Variants in NFYC observed in about 807,000 individuals in gnomAD.
The protein encoded by NFYC is CAAT box DNA-binding protein subunit C.
A neutral mutation model predicts 53.1 loss-of-function variants in NFYC; 25 were observed. The ratio of observed to expected loss-of-function variants is 0.47; its 90% CI spans 0.34 to 0.66. The LOEUF (loss-of-function observed/expected upper bound fraction) is 0.66, where lower values mean the gene tolerates loss of function less well. Among genes scored for constraint, NFYC ranks in the 30% least tolerant of loss-of-function variants. The pLI, the probability that NFYC is intolerant of heterozygous loss-of-function variation, is 0.01. For synonymous variants in NFYC, 145 were observed against 152.6 expected, an observed-to-expected ratio of 0.95 and a Z score of 0.37; for missense variants, 260 against 422.7, an observed-to-expected ratio of 0.62 and a Z score of 3.38.
At chr1:40,726,099 GTA>G (rs1393502221) in intron 1 of NFYC, among the ~76,000 whole-genome samples, 1 of 122,492 alleles carries the variant, frequency 8.2e-6, no homozygotes, top group African/African-American at 2.5e-5. Context: ...CAATTTCTGT[GTA>G]TGTGTTTGTG....
chr1:40,731,744 A>G (rs1025336738), intron 1 of NFYC, among the ~76,000 whole-genome samples: 1 of 151,882 alleles, frequency 6.6e-6, no homozygotes, highest in East Asian at 1.9e-4. Context: ...TCGGCCTCTC[A>G]AAGTGCTGGG....
chr1:40,718,205 T>C (rs1409245631), intron 1 of NFYC, among the ~76,000 whole-genome samples: 1 of 152,208 alleles, frequency 6.6e-6, no homozygotes, highest in African/African-American at 2.4e-5. Context: ...AATAGTACTT[T>C]ATAGTTAGTG....
At chr1:40,769,332 A>G (rs746676685) in intron 8 of NFYC, 24 bp from the exon 9 acceptor site, 31 of 1,613,052 alleles carry the variant, frequency 1.9e-5, no homozygotes, top group South Asian at 1.5e-4. Context: ...TGACATACCA[A>G]CTCTACCATC....
chr1:40,699,467 C>T (rs1352886294), intron 1 of NFYC, among the ~76,000 whole-genome samples: 1 of 152,150 alleles, frequency 6.6e-6, no homozygotes, highest in African/African-American at 2.4e-5. Flanking sequence ...AGTTGACATC[C>T]TTGTCATTTT....
chr1:40,724,690 T>G (rs1644447864), intron 1 of NFYC, among the ~76,000 whole-genome samples: 1 of 152,246 alleles, frequency 6.6e-6, no homozygotes, highest in African/African-American at 2.4e-5. Flanking sequence ...CCCGTCACTT[T>G]CATTGTTTAT....
chr1:40,723,602 A>G (rs1644402764), intron 1 of NFYC: 1 of 152,216 alleles, frequency 6.6e-6, no homozygotes, highest in Non-Finnish European at 1.5e-5. Context: ...TAAATCAGGG[A>G]TAAATAAAAC....
At chr1:40,712,120 T>G (rs1438495662) in intron 1 of NFYC, among the ~76,000 whole-genome samples, 1 of 152,222 alleles carries the variant, frequency 6.6e-6, no homozygotes, top group Non-Finnish European at 1.5e-5. Flanking sequence ...ATGAAACGTT[T>G]ATGAAGATAG....
At chr1:40,702,683 A>G (rs537598212) in intron 1 of NFYC, among the ~76,000 whole-genome samples, 2 of 152,254 alleles carry the variant, frequency 1.3e-5, no homozygotes, top group African/African-American at 4.8e-5. Context: ...AGATGTGTGA[A>G]CATATTTTTG....
chr1:40,703,480 TAAA>T (rs57102599), intron 1 of NFYC, among the ~76,000 whole-genome samples: 1 of 97,730 alleles, frequency 1.0e-5, no homozygotes, highest in Non-Finnish European at 1.9e-5. Context: ...CAATTAGCCC[TAAA>T]AAAAAAAAAA....
intron 1 of NFYC, among the ~76,000 whole-genome samples, chr1:40,702,483 C>T (rs544278575): frequency 6.1e-4 from 93 of 151,650 alleles, no homozygotes; most frequent in African/African-American, 2.1e-3. Context: ...GCTGGGACTA[C>T]AGGTGTGTGC....
intron 2 of NFYC, among the ~76,000 whole-genome samples, chr1:40,746,643 G>A (rs567406287): frequency 3.9e-5 from 6 of 152,250 alleles, no homozygotes; most frequent in Admixed American, 3.9e-4. Flanking sequence ...ATCTGCCTTT[G>A]CACCTTCCTC....
intron 3 of NFYC, among the ~76,000 whole-genome samples, chr1:40,748,909 C>T (rs1645762944): frequency 6.6e-6 from 1 of 152,156 alleles, no homozygotes; most frequent in Non-Finnish European, 1.5e-5. Context: ...ACCAAGATCC[C>T]ATTTCCCATC....
intron 4 of NFYC, among the ~76,000 whole-genome samples, chr1:40,752,115 TA>T (rs1202030883): frequency 6.6e-6 from 1 of 152,244 alleles, no homozygotes; most frequent in African/African-American, 2.4e-5. Context: ...CCCAGCATTT[TA>T]TTATGAAAAA....
chr1:40,757,206 C>T (rs1646273389), intron 5 of NFYC: 1 of 288,240 alleles, frequency 3.5e-6, no homozygotes, highest in Non-Finnish European at 8.1e-6. Context: ...CACCATGTGT[C>T]ACACAGGTCA....
intron 2 of NFYC, among the ~76,000 whole-genome samples, chr1:40,741,440 T>C (rs910003627): frequency 6.6e-6 from 1 of 152,176 alleles, no homozygotes; most frequent in Non-Finnish European, 1.5e-5. Flanking sequence ...AGTAAATGCA[T>C]TTTCAACTTA....
rs1290775914 is a variant in NFYC at position 40,770,405 on chromosome 1, C to T, written c.889-304C>T. ...GCTTGTGTTTGCCACAGAGGAACAG[C>T]GTGCAGCAAGCTCGAGTCTCTGAGC... On this transcript the variant is annotated intron_variant, in intron 9 of 9. Transcript: ENST00000447388. The surrounding 1 kb of genome is among the most constrained non-coding windows in gnomAD (Gnocchi z 5.3). The T allele has an allele frequency of 7.1e-6, 11 of 1,546,242 alleles. No homozygotes were observed. The highest frequency in any genetic ancestry group is 2.7e-5 in the African/African-American group (2 of 72,928).
chr1:40,737,893 C>G (rs1337886974), intron 1 of NFYC, among the ~76,000 whole-genome samples: 1 of 130,296 alleles, frequency 7.7e-6, no homozygotes, highest in East Asian at 2.2e-4. Flanking sequence ...ACTTAGCGTG[C>G]TCTCTCTCTT....
At chr1:40,697,376 AGTTGTGCT>A (rs769496032) in intron 1 of NFYC, among the ~76,000 whole-genome samples, 5 of 152,166 alleles carry the variant, frequency 3.3e-5, no homozygotes, top group Non-Finnish European at 7.3e-5. Flanking sequence ...AACCTAATTT[AGTTGTGCT>A]GTTGTGGTTT....
At chr1:40,757,657 T>TC (rs1478257801) in intron 5 of NFYC, among the ~76,000 whole-genome samples, 1 of 152,138 alleles carries the variant, frequency 6.6e-6, no homozygotes, top group Non-Finnish European at 1.5e-5. Flanking sequence ...ACCTGTTCTG[T>TC]CCCCCTTGAA....
Sources: gnomAD v4.1 joint callset for allele counts (sites outside exome capture counted in the v4.1 genomes callset) on GRCh38, gnomAD v4.1.1 for gene constraint, Gnocchi (gnomAD v3.1) non-coding constraint, MANE v1.5 for transcripts, NCBI Gene and HGNC (gene_info 2026-07-23, HGNC 2026-07-21) for gene names.